Variants in CATSPERT observed in about 807,000 individuals in gnomAD.
CATSPERT encodes catsper channel auxiliary subunit tau.
At chr2:201,534,313 C>G in the CATSPERT span, 29 of 802,128 alleles carry the variant, frequency 3.6e-5, no homozygotes, top group Non-Finnish European at 4.4e-5. Context: ...GTCAACCCCA[C>G]AGTATCTTGA....
At chr2:201,494,814 A>G in the CATSPERT span, 2 of 1,428,410 alleles carry the variant, frequency 1.4e-6, no homozygotes, top group Non-Finnish European at 1.8e-6. Context: ...TGAATTTATC[A>G]TATATTTTCT....
chr2:201,494,466 AT>A, the CATSPERT span: 1 of 1,537,234 alleles, frequency 6.5e-7, no homozygotes, highest in South Asian at 1.2e-5. Context: ...CTTTTAAACT[AT>A]TCTTTGTATC....
the CATSPERT span, among the ~76,000 whole-genome samples, chr2:201,563,460 G>A: frequency 1.4e-3 from 11 of 7,690 alleles, no homozygotes; most frequent in Admixed American, 2.3e-3. Context: ...CTGGCCGGGC[G>A]GGGGGCTGAC....
At chr2:201,538,410 C>G in the CATSPERT span, among the ~76,000 whole-genome samples, 1 of 152,178 alleles carries the variant, frequency 6.6e-6, no homozygotes, top group East Asian at 1.9e-4. Flanking sequence ...TATTGCACTT[C>G]TCAGATACTG....
the CATSPERT span, among the ~76,000 whole-genome samples, chr2:201,498,228 C>T: frequency 1.3e-5 from 2 of 152,138 alleles, no homozygotes; most frequent in East Asian, 3.8e-4. Flanking sequence ...CCAGTAGTGG[C>T]TCAATCCAAG....
At chr2:201,516,494 G>A in the CATSPERT span, among the ~76,000 whole-genome samples, 4 of 152,044 alleles carry the variant, frequency 2.6e-5, no homozygotes, top group African/African-American at 9.7e-5. Flanking sequence ...ACAGCACGGG[G>A]GAAATCGCTC....
At chr2:201,494,505 A>G in the CATSPERT span, 1 of 1,536,984 alleles carries the variant, frequency 6.5e-7, no homozygotes, top group Non-Finnish European at 8.7e-7. Flanking sequence ...TGATAGTAGG[A>G]TCAGGGGCTA....
chr2:201,526,752 G>A, the CATSPERT span, among the ~76,000 whole-genome samples: 1 of 152,222 alleles, frequency 6.6e-6, no homozygotes, highest in Admixed American at 6.5e-5. Flanking sequence ...GACGGCATCA[G>A]AGGAACATAT....
the CATSPERT span, among the ~76,000 whole-genome samples, chr2:201,597,927 C>G: frequency 1.3e-5 from 2 of 152,112 alleles, no homozygotes; most frequent in African/African-American, 2.4e-5. Context: ...TAACCTAGAT[C>G]TATGTTGTAC....
the CATSPERT span, among the ~76,000 whole-genome samples, chr2:201,517,914 C>T: frequency 6.6e-6 from 1 of 152,210 alleles, no homozygotes; most frequent in Non-Finnish European, 1.5e-5. Context: ...AAGGTAATAG[C>T]TACTTTTCAA....
chr2:201,615,717 G>T, the CATSPERT span, among the ~76,000 whole-genome samples: 26 of 152,038 alleles, frequency 1.7e-4, no homozygotes, highest in Non-Finnish European at 3.4e-4. Flanking sequence ...AGAGCAGAAC[G>T]GAAGGAGATA....
At chr2:201,502,400 C>T in the CATSPERT span, among the ~76,000 whole-genome samples, 228 of 151,982 alleles carry the variant, frequency 1.5e-3, 1 homozygote, top group African/African-American at 5.3e-3. Context: ...GATGAAACCC[C>T]GTCTCTACTA....
At chr2:201,494,626 T>G in the CATSPERT span, 1 of 1,537,256 alleles carries the variant, frequency 6.5e-7, no homozygotes. Context: ...AGGATCCTGG[T>G]CTTCATGCTC....
the CATSPERT span, among the ~76,000 whole-genome samples, chr2:201,490,438 C>T: frequency 6.6e-6 from 1 of 152,136 alleles, no homozygotes; most frequent in East Asian, 1.9e-4. Context: ...GGCTATGTTT[C>T]CACAGTATCT....
the CATSPERT span, among the ~76,000 whole-genome samples, chr2:201,490,275 T>A: frequency 6.6e-6 from 1 of 152,232 alleles, no homozygotes; most frequent in Non-Finnish European, 1.5e-5. Context: ...CAATTCATAA[T>A]CCAATGGATT....
the CATSPERT span, chr2:201,535,699 C>T: frequency 8.0e-7 from 1 of 1,248,516 alleles, no homozygotes; most frequent in African/African-American, 1.6e-5. Context: ...ATAAGTAAAG[C>T]AGGAATATTT....
At chr2:201,514,470 CA>C in the CATSPERT span, among the ~76,000 whole-genome samples, 1 of 152,128 alleles carries the variant, frequency 6.6e-6, no homozygotes, top group Admixed American at 6.5e-5. Context: ...CAGCATCTGA[CA>C]AAATCCAGCA....
chr2:201,551,923 A>G, the CATSPERT span, among the ~76,000 whole-genome samples: 3,071 of 150,304 alleles, frequency 0.02, 52 homozygotes, highest in Non-Finnish European at 0.031. Context: ...AAAAAAAAAA[A>G]GTGATCTCTC....
At chr2:201,565,739 G>A in the CATSPERT span, 3 of 1,569,618 alleles carry the variant, frequency 1.9e-6, no homozygotes, top group Non-Finnish European at 2.6e-6. Flanking sequence ...CTTTCCCGGG[G>A]TTGTTGCTGA....
Sources: allele counts gnomAD v4.1 joint callset (sites outside exome capture counted in the v4.1 genomes callset), GRCh38; gene constraint gnomAD v4.1.1; transcripts MANE v1.5; gene names NCBI Gene and HGNC (gene_info 2026-07-23, HGNC 2026-07-21).